Variants in ADGRD1 observed in about 807,000 individuals in gnomAD.
The protein encoded by ADGRD1 is G-protein coupled receptor 133.
Under a neutral mutation model 113.4 loss-of-function variants are expected in ADGRD1, and 77 were observed. The observed-to-expected ratio is 0.68, with a 90% CI of 0.57 to 0.82. The LOEUF is 0.82. ADGRD1 is among the 40% of genes least tolerant of loss of function. The pLI is 0.00. For synonymous variants in ADGRD1, 474 were observed against 475.0 expected, an observed-to-expected ratio of 1.00 and a Z score of 0.03; for missense variants, 1,036 against 1,139.1, an observed-to-expected ratio of 0.91 and a Z score of 1.30.
At chr12:130,997,053 A>G (rs1327564860) in intron 8 of ADGRD1, among the ~76,000 whole-genome samples, 1 of 118,466 alleles carries the variant, frequency 8.4e-6, no homozygotes, top group Non-Finnish European at 1.8e-5. Context: ...CTGGCCAGGC[A>G]GAGGGGCTCC....
In ADGRD1 at chr12:131,118,279, G is replaced by A. The variant is rs1593244642; in HGVS notation, c.2042-106G>A. 6.5e-6 allele frequency: 5 copies of A among 765,936 alleles called. No homozygotes were observed. In the East Asian group the frequency reaches 7.7e-5, roughly 12 times the overall value. 47.4% of individuals were successfully genotyped at this position (765,936 alleles called of 1,614,324 possible). ...CACATAGTTCCCCCTCTGTATACAT[G>A]TATGAGGTGTACAAGGAATGAAGAA... is the stretch of plus-strand genomic sequence containing the variant. On this transcript the variant is annotated intron_variant, in intron 18 of 24. Transcript: ENST00000261654.
intron 22 of ADGRD1, among the ~76,000 whole-genome samples, chr12:131,136,582 G>A (rs929164633): frequency 1.3e-5 from 2 of 152,336 alleles, no homozygotes; most frequent in East Asian, 1.9e-4. Context: ...AGGCCCCCAA[G>A]GAAGGGCAGG....
chr12:131,117,499 T>C (rs1432503037), intron 18 of ADGRD1, among the ~76,000 whole-genome samples: 2 of 152,228 alleles, frequency 1.3e-5, no homozygotes, highest in African/African-American at 4.8e-5. Flanking sequence ...CCAAGCTCAC[T>C]GACATCCTTA....
intron 13 of ADGRD1, among the ~76,000 whole-genome samples, chr12:131,028,427 G>A (rs1438949438): frequency 6.6e-6 from 1 of 151,908 alleles, no homozygotes; most frequent in African/African-American, 2.4e-5. Context: ...GTCTGCTGGT[G>A]GACAGCAGTT....
At chr12:131,120,959 C>A in intron 20 of ADGRD1, 46 bp downstream of exon 20, 1 of 1,559,632 alleles carries the variant, frequency 6.4e-7, no homozygotes. Context: ...TGGGGAGGGG[C>A]AGGAGGAGAG....
intron 13 of ADGRD1, among the ~76,000 whole-genome samples, chr12:131,034,339 G>A (rs1253048594): frequency 6.6e-6 from 1 of 152,150 alleles, no homozygotes; most frequent in East Asian, 1.9e-4. Context: ...CCGGGTCCCC[G>A]CATGGTTGAC....
intron 18 of ADGRD1, among the ~76,000 whole-genome samples, chr12:131,111,832 T>C (rs1950352715): frequency 6.6e-6 from 1 of 152,240 alleles, no homozygotes; most frequent in Non-Finnish European, 1.5e-5. Flanking sequence ...AGGGTCGTTA[T>C]GCATTCCTTT....
Position 131,041,124 on chromosome 12 carries a change from C to T in ADGRD1, c.1473+26784C>T, listed in dbSNP as rs561641009. Reference sequence around the variant, plus strand: ...CTCACTTGTCCTGGGGTGAATGTTTCGATGCTCTTACCAGGAAAGGGTAGC... The same window carrying T: ...CTCACTTGTCCTGGGGTGAATGTTTTGATGCTCTTACCAGGAAAGGGTAGC... On this transcript the variant is annotated intron_variant, in intron 13 of 24. Coordinates refer to ENST00000261654, the MANE Select transcript of ADGRD1 (RefSeq NM_198827.5). The surrounding 1 kb of genome is among the most constrained non-coding windows in gnomAD (Gnocchi z 4.4). 6.6e-6 allele frequency among the ~76,000 whole-genome samples: 1 copy of T among 152,214 alleles called. No homozygotes were observed. The highest frequency in any genetic ancestry group is 1.9e-4 in the East Asian group (1 of 5,176).
chr12:130,981,818 C>A, intron 4 of ADGRD1, 66 bp from the exon 5 acceptor site: 1 of 1,041,768 alleles, frequency 9.6e-7, no homozygotes, highest in East Asian at 2.4e-5. Context: ...GCAAAGAGAA[C>A]CATGTGCTTG....
At chr12:131,099,587 C>T (rs765164800) in intron 15 of ADGRD1, among the ~76,000 whole-genome samples, 8 of 152,124 alleles carry the variant, frequency 5.3e-5, no homozygotes, top group East Asian at 3.9e-4. Flanking sequence ...CTCCTGAAGT[C>T]GGCCTCATTA....
chr12:131,040,141 C>T (rs1302801956), intron 13 of ADGRD1, among the ~76,000 whole-genome samples: 1 of 152,192 alleles, frequency 6.6e-6, no homozygotes, highest in Non-Finnish European at 1.5e-5. Flanking sequence ...TTTATTGTAT[C>T]TCTGATGCTT....
chr12:131,055,228 C>A (rs555766886), intron 13 of ADGRD1, among the ~76,000 whole-genome samples: 127 of 152,246 alleles, frequency 8.3e-4, no homozygotes, highest in Non-Finnish European at 1.0e-3. Flanking sequence ...TCTGTGCTCC[C>A]TACCATGTCC....
chr12:131,116,375 T>C (rs1950463703), intron 18 of ADGRD1, among the ~76,000 whole-genome samples: 1 of 150,860 alleles, frequency 6.6e-6, no homozygotes, highest in African/African-American at 2.5e-5. Context: ...CATTCTGCAA[T>C]GCATTTAAGT....
At chr12:131,046,624 G>C (rs111346733) in intron 13 of ADGRD1, among the ~76,000 whole-genome samples, 1 of 57,930 alleles carries the variant, frequency 1.7e-5, no homozygotes, top group Non-Finnish European at 3.2e-5. Context: ...CCCTCCCTGG[G>C]CAGTGTCCTC....
chr12:131,136,846 G>A (rs1038046396), intron 22 of ADGRD1, 127 bp from the exon 23 acceptor site: 14 of 809,604 alleles, frequency 1.7e-5, no homozygotes, highest in Non-Finnish European at 2.4e-5. Context: ...ACGGGCCCCA[G>A]GTCATGGGAC....
At chr12:131,131,139 C>T (rs1950913457) in intron 20 of ADGRD1, among the ~76,000 whole-genome samples, 1 of 152,182 alleles carries the variant, frequency 6.6e-6, no homozygotes, top group Non-Finnish European at 1.5e-5. Context: ...GCTGAAGCCT[C>T]TGCCGGGGCC....
intron 2 of ADGRD1, chr12:130,957,396 C>T (rs1416687131): frequency 6.6e-6 from 1 of 150,636 alleles, no homozygotes; most frequent in Non-Finnish European, 1.5e-5. Context: ...CACACATGCT[C>T]ACACACGTAC....
rs1870898345 is a variant in ADGRD1 at position 130,965,433 on chromosome 12, T to C, written c.104-1030T>C. On this transcript the variant is annotated intron_variant, in intron 2 of 24. Transcript: ENST00000261654. The surrounding 1 kb of genome is among the most constrained non-coding windows in gnomAD (Gnocchi z 4.8). ...CATAGAGACTATTAGTCTGTCCTTT[T>C]CTATGATCTAGCAGTCGCTTGGGGC... Among the ~76,000 whole-genome samples the C allele has an allele frequency of 6.6e-6, 1 of 152,226 alleles. No individual in the cohort carries two copies.
At chr12:131,090,886 G>A (rs1380476501) in intron 15 of ADGRD1, among the ~76,000 whole-genome samples, 4 of 152,228 alleles carry the variant, frequency 2.6e-5, no homozygotes, top group Admixed American at 6.5e-5. Context: ...TCTGGGAACC[G>A]TGTACCAATT....
Sources: gnomAD v4.1 joint callset for allele counts (sites outside exome capture counted in the v4.1 genomes callset) on GRCh38, gnomAD v4.1.1 for gene constraint, Gnocchi (gnomAD v3.1) non-coding constraint, MANE v1.5 for transcripts, NCBI Gene and HGNC (gene_info 2026-07-23, HGNC 2026-07-21) for gene names.